The following SBF2 variants were observed in gnomAD, a reference collection of about 807,000 sequenced individuals.
SBF2 encodes SET binding factor 2.
Under a neutral mutation model 225.2 loss-of-function variants are expected in SBF2, and 112 were observed. The observed-to-expected ratio is 0.50, with a 90% CI of 0.43 to 0.58. SBF2 has a LOEUF of 0.58. Ranked by LOEUF, SBF2 falls within the 20% of genes least tolerant of loss-of-function variation. SBF2 has a pLI of 0.00. For synonymous variants in SBF2, 763 were observed against 773.3 expected, an observed-to-expected ratio of 0.99 and a Z score of 0.22; for missense variants, 1,996 against 2,206.2, an observed-to-expected ratio of 0.90 and a Z score of 1.91.
At chr11:10,204,280 G>C (rs1957670352) in intron 1 of SBF2, among the ~76,000 whole-genome samples, 1 of 147,834 alleles carries the variant, frequency 6.8e-6, no homozygotes, top group Non-Finnish European at 1.5e-5. Context: ...TTTATACCCA[G>C]AGAAAATATC....
intron 16 of SBF2, among the ~76,000 whole-genome samples, chr11:9,946,456 T>TC (rs1554963709): frequency 1.3e-5 from 2 of 149,422 alleles, no homozygotes; most frequent in Admixed American, 6.7e-5. Flanking sequence ...TTTCTTTCTT[T>TC]TTTTTTTTTT....
At chr11:9,933,795 G>A (rs766914715) in intron 16 of SBF2, among the ~76,000 whole-genome samples, 1 of 152,036 alleles carries the variant, frequency 6.6e-6, no homozygotes, top group Non-Finnish European at 1.5e-5. Flanking sequence ...CAGAAGGCAA[G>A]AAATAACTAA....
chr11:10,187,733 T>C (rs1956990990), intron 2 of SBF2, among the ~76,000 whole-genome samples: 2 of 152,134 alleles, frequency 1.3e-5, no homozygotes, highest in African/African-American at 4.8e-5. Context: ...CTGCCACTAA[T>C]TAGCCATTAT....
chr11:9,817,895 CTAAAATAAAA>C (rs532311934), intron 28 of SBF2, among the ~76,000 whole-genome samples: 1 of 152,114 alleles, frequency 6.6e-6, no homozygotes, highest in African/African-American at 2.4e-5. Flanking sequence ...GACACTGTCT[CTAAAATAAAA>C]TAAAATAAAT....
chr11:9,994,066 G>T (rs1947558686), intron 9 of SBF2, 68 bp from the exon 10 acceptor site: 2 of 1,053,938 alleles, frequency 1.9e-6, no homozygotes, highest in Admixed American at 1.8e-5. Context: ...GAGACATTAA[G>T]ATGAAAATGT....
chr11:9,873,121 G>C (rs575991269), intron 17 of SBF2, among the ~76,000 whole-genome samples: 2 of 144,382 alleles, frequency 1.4e-5, no homozygotes, highest in Non-Finnish European at 3.0e-5. Context: ...CAGGAGAATC[G>C]CTTGAACCCG....
rs1166081188 is a variant in SBF2, at chr11:9,974,960, C to CAAAAAAAAAAAAAAAAA, written c.1396-6432_1396-6416dup. Among the ~76,000 whole-genome samples, 90 of 23,264 alleles carry CAAAAAAAAAAAAAAAAA rather than the reference C, an allele frequency of 3.9e-3. 25 individuals are homozygous for CAAAAAAAAAAAAAAAAA. The highest frequency in any genetic ancestry group is 6.3e-3 in the Non-Finnish European group (70 of 11,166). 15.3% of individuals were successfully genotyped at this position (23,264 alleles called of 152,430 possible). On this transcript the variant is annotated intron_variant, in intron 13 of 39. Coordinates refer to ENST00000256190, the MANE Select transcript of SBF2 (RefSeq NM_030962.4). ...GGGCAACAACAGCGAAACTTTGACT[C>CAAAAAAAAAAAAAAAAA]AAAAAAAAAAAAAAAAAAAAAAAAA...
chr11:9,963,635 T>C lies in SBF2; in HGVS notation c.1710+138A>G, dbSNP rs1171178812. Reference sequence around the variant, plus strand: ...CTTTAAATCTTAGACACTATTCATTTAAAATGATCCAAACAATGAGAGGAT... The same window carrying C: ...CTTTAAATCTTAGACACTATTCATTCAAAATGATCCAAACAATGAGAGGAT... On this transcript the variant is annotated intron_variant, in intron 15 of 39. Coordinates refer to ENST00000256190, the MANE Select transcript of SBF2 (RefSeq NM_030962.4). 12 of 615,572 alleles carry C rather than the reference T, an allele frequency of 1.9e-5. No homozygotes were observed. In the East Asian group the frequency reaches 3.4e-4, roughly 17 times the overall value. 38.1% of individuals were successfully genotyped at this position (615,572 alleles called of 1,614,324 possible).
chr11:9,991,721 T>C (rs757862029), intron 12 of SBF2, among the ~76,000 whole-genome samples: 3 of 152,154 alleles, frequency 2.0e-5, no homozygotes, highest in African/African-American at 4.8e-5. Flanking sequence ...TTGAGTCACA[T>C]CTGCCCTATT....
At chr11:9,923,206 T>G (rs1225082445) in intron 16 of SBF2, among the ~76,000 whole-genome samples, 1 of 152,086 alleles carries the variant, frequency 6.6e-6, no homozygotes, top group Non-Finnish European at 1.5e-5. Context: ...CAAACTAGCT[T>G]TGGAATAAAA....
intron 17 of SBF2, among the ~76,000 whole-genome samples, chr11:9,871,499 T>TATTATTA (rs1858739612): frequency 6.8e-6 from 1 of 147,730 alleles, no homozygotes; most frequent in South Asian, 2.1e-4. Flanking sequence ...TTATTATTAT[T>TATTATTA]ATTATTATTT....
At chr11:10,082,494 C>A (rs1384130978) in intron 2 of SBF2, among the ~76,000 whole-genome samples, 1 of 152,070 alleles carries the variant, frequency 6.6e-6, no homozygotes, top group Non-Finnish European at 1.5e-5. Flanking sequence ...TGACGGAATA[C>A]TAGAAAACTG....
chr11:10,000,154 C>T (rs762494198), intron 8 of SBF2, among the ~76,000 whole-genome samples: 2 of 152,200 alleles, frequency 1.3e-5, no homozygotes, highest in Non-Finnish European at 2.9e-5. Flanking sequence ...GTTTCTATAG[C>T]CACTTCATCC....
At chr11:10,104,649 T>C (rs1952471921) in intron 2 of SBF2, among the ~76,000 whole-genome samples, 1 of 152,162 alleles carries the variant, frequency 6.6e-6, no homozygotes, top group Admixed American at 6.5e-5. Flanking sequence ...ACTGTAAGCA[T>C]TAAACAGTCT....
At chr11:10,243,988 G>A (rs1003324682) in intron 1 of SBF2, among the ~76,000 whole-genome samples, 4 of 152,104 alleles carry the variant, frequency 2.6e-5, no homozygotes, top group Admixed American at 6.6e-5. Flanking sequence ...AAAGACACAA[G>A]AAAACTACAG....
Position 10,170,572 on chromosome 11 carries a change from T to A in SBF2, c.141+23330A>T, listed in dbSNP as rs1177822886. On this transcript the variant is annotated intron_variant, in intron 2 of 39. Coordinates refer to ENST00000256190, the MANE Select transcript of SBF2 (RefSeq NM_030962.4). Reference sequence around the variant, plus strand: ...AAGTCAGATAATGTAATTCTTCCAGTTTTTTTAATTTTATTTTTATTTTTA... The same window carrying A: ...AAGTCAGATAATGTAATTCTTCCAGATTTTTTAATTTTATTTTTATTTTTA... Among the ~76,000 whole-genome samples, 5 of 152,064 alleles carry A rather than the reference T, an allele frequency of 3.3e-5. No homozygotes were observed. In the East Asian group the frequency reaches 9.6e-4, roughly 29 times the overall value.
At chr11:9,940,827 A>G (rs188598951) in intron 16 of SBF2, among the ~76,000 whole-genome samples, 23 of 152,282 alleles carry the variant, frequency 1.5e-4, no homozygotes, top group Middle Eastern at 3.4e-3. Flanking sequence ...TGGAAATAAT[A>G]AAGATAGAAA....
At chr11:10,280,655 A>C (rs773870501) in intron 1 of SBF2, among the ~76,000 whole-genome samples, 1 of 152,242 alleles carries the variant, frequency 6.6e-6, no homozygotes, top group African/African-American at 2.4e-5. Context: ...TCTACTTCTT[A>C]TTCTTTATCC....
At chr11:10,277,067 AC>A (rs539840447) in intron 1 of SBF2, among the ~76,000 whole-genome samples, 285 of 150,422 alleles carry the variant, frequency 1.9e-3, no homozygotes, top group Non-Finnish European at 3.1e-3. Flanking sequence ...CCCCATCTCT[AC>A]AAAAAACTTT....
Sources: gnomAD v4.1 joint callset for allele counts (sites outside exome capture counted in the v4.1 genomes callset) on GRCh38, gnomAD v4.1.1 for gene constraint, MANE v1.5 for transcripts, NCBI Gene and HGNC (gene_info 2026-07-23, HGNC 2026-07-21) for gene names.